The following LNX1 variants were observed in gnomAD, a reference collection of about 807,000 sequenced individuals.
LNX1 encodes the protein ligand of numb-protein X 1, also known as E3 ubiquitin-protein ligase LNX.
LNX1 carries 54 observed loss-of-function variants against 68.4 expected under a neutral mutation model. The ratio of observed to expected loss-of-function variants is 0.79; its 90% CI spans 0.63 to 0.99. LNX1 has a LOEUF of 0.99. Among genes scored for constraint, LNX1 ranks in the 50% least tolerant of loss-of-function variants. The pLI is 0.00. For synonymous variants in LNX1, 336 were observed against 350.0 expected (o/e 0.96, Z 0.45); for missense variants, 906 against 926.4 (o/e 0.98, Z 0.29).
At chr4:53,619,745 G>C (rs933651544), upstream of LNX1, among the ~76,000 whole-genome samples, 1 of 152,164 alleles carries the variant, frequency 6.6e-6, no homozygotes, top group Non-Finnish European at 1.5e-5. Context: ...AATGTGCTGG[G>C]TTACATGGTA....
intron 2 of LNX1, among the ~76,000 whole-genome samples, chr4:53,524,561 T>TA (rs1727476318): frequency 6.6e-6 from 1 of 152,164 alleles, no homozygotes; most frequent in South Asian, 2.1e-4. Context: ...ACACAACCAG[T>TA]AAAATGACAG....
chr4:53,503,323 T>A (rs915047279), intron 4 of LNX1, among the ~76,000 whole-genome samples: 1 of 152,228 alleles, frequency 6.6e-6, no homozygotes. Flanking sequence ...GGAATCACTA[T>A]GTATGGCAGC....
chr4:53,559,489 C>T (rs1395785162), intron 2 of LNX1, among the ~76,000 whole-genome samples: 2 of 152,118 alleles, frequency 1.3e-5, no homozygotes, highest in African/African-American at 2.4e-5. Context: ...AGCTGTATGA[C>T]AGTAGGCATG....
intron 5 of LNX1, among the ~76,000 whole-genome samples, chr4:53,497,707 C>T (rs1472867074): frequency 4.6e-5 from 7 of 152,252 alleles, no homozygotes; most frequent in Non-Finnish European, 8.8e-5. Flanking sequence ...TGGGAGGCAG[C>T]AGTGCACAGT....
intron 5 of LNX1, 27 bp from the exon 6 acceptor site, chr4:53,496,421 G>T (rs376756399): frequency 1.6e-5 from 24 of 1,541,056 alleles, no homozygotes; most frequent in Non-Finnish European, 2.0e-5. Flanking sequence ...CAATCGTGCG[G>T]TCAGCTCCAC....
chr4:53,594,176 T>G (rs1732646235), upstream of LNX1: 4 of 150,838 alleles, frequency 2.7e-5, no homozygotes, highest in African/African-American at 7.3e-5. Context: ...AATATGTATA[T>G]ATTCATAAAT....
At chr4:53,508,572 G>A (rs545672958) in intron 2 of LNX1, among the ~76,000 whole-genome samples, 1 of 152,304 alleles carries the variant, frequency 6.6e-6, no homozygotes, top group South Asian at 2.1e-4. Context: ...ATTCCTGCTT[G>A]CTGGTGTTTA....
chr4:53,637,183 C>T (rs918118739), intron 1 of LNX1, among the ~76,000 whole-genome samples: 1 of 151,932 alleles, frequency 6.6e-6, no homozygotes, highest in Non-Finnish European at 1.5e-5. Context: ...TGGACCAAAA[C>T]ACAACATCAT....
chr4:53,461,340 A>AT, intron 10 of LNX1, 95 bp downstream of exon 10: 1 of 1,004,900 alleles, frequency 1.0e-6, no homozygotes, highest in Admixed American at 2.3e-5. Context: ...CCCACAAAGT[A>AT]TAATAAATAC....
At chr4:53,476,610 G>T (rs1024176349) in intron 9 of LNX1, 143 bp downstream of exon 9, 38 of 741,880 alleles carry the variant, frequency 5.1e-5, no homozygotes, top group Non-Finnish European at 8.4e-5. Context: ...TGGGAAGAGA[G>T]AATTATTTCA....
chr4:53,547,719 G>A (rs905286988), intron 2 of LNX1, among the ~76,000 whole-genome samples: 6 of 152,154 alleles, frequency 3.9e-5, no homozygotes, highest in African/African-American at 1.4e-4. Context: ...GTTAAACATG[G>A]GAGAAGTGGG....
chr4:53,553,658 GA>G (rs1340059655), intron 2 of LNX1, among the ~76,000 whole-genome samples: 5 of 152,148 alleles, frequency 3.3e-5, no homozygotes, highest in African/African-American at 9.7e-5. Context: ...GAGGTCTGCG[GA>G]TGAGGGCATG....
intron 2 of LNX1, among the ~76,000 whole-genome samples, chr4:53,563,956 C>G (rs1057436773): frequency 6.6e-6 from 1 of 152,196 alleles, no homozygotes; most frequent in African/African-American, 2.4e-5. Flanking sequence ...TGGTTTCAAC[C>G]TACTTAGGAA....
intron 1 of LNX1, among the ~76,000 whole-genome samples, chr4:53,630,558 G>A (rs1273035961): frequency 1.3e-5 from 2 of 152,062 alleles, no homozygotes; most frequent in Non-Finnish European, 2.9e-5. Flanking sequence ...CTGAAGTGCC[G>A]CCTGGTGTTC....
intron 2 of LNX1, among the ~76,000 whole-genome samples, chr4:53,540,154 G>A (rs1728648263): frequency 6.6e-6 from 1 of 152,098 alleles, no homozygotes. Flanking sequence ...GTCTGAGGCT[G>A]GCAGATTGCT....
intron 2 of LNX1, among the ~76,000 whole-genome samples, chr4:53,557,055 G>T (rs1237986414): frequency 1.3e-5 from 2 of 152,198 alleles, no homozygotes; most frequent in Non-Finnish European, 2.9e-5. Context: ...TCATATGATT[G>T]CTAGAAGTCA....
intron 1 of LNX1, among the ~76,000 whole-genome samples, chr4:53,581,316 T>C (rs180905126): frequency 6.6e-6 from 1 of 152,328 alleles, no homozygotes; most frequent in East Asian, 1.9e-4. Context: ...TATCAAAACT[T>C]AAAACATCAA....
intron 9 of LNX1, among the ~76,000 whole-genome samples, chr4:53,474,174 G>A (rs1334214136): frequency 2.0e-5 from 3 of 152,196 alleles, no homozygotes; most frequent in Non-Finnish European, 4.4e-5. Context: ...TGGATACAAC[G>A]ATGGTGCAGT....
intron 8 of LNX1, among the ~76,000 whole-genome samples, chr4:53,478,214 T>A (rs1723687631): frequency 6.6e-6 from 1 of 151,892 alleles, no homozygotes; most frequent in South Asian, 2.1e-4. Context: ...CATGAATTAT[T>A]TCATGAATTC....
Sources: gnomAD v4.1 joint callset for allele counts (sites outside exome capture counted in the v4.1 genomes callset) on GRCh38, gnomAD v4.1.1 for gene constraint, MANE v1.5 for transcripts, NCBI Gene and HGNC (gene_info 2026-07-23, HGNC 2026-07-21) for gene names.